The following RYR2 variants were observed in gnomAD, a reference collection of about 807,000 sequenced individuals.
The protein encoded by RYR2 is ryanodine receptor 2, also known as cardiac muscle ryanodine receptor-calcium release channel.
RYR2 carries 227 observed loss-of-function variants against 601.1 expected under a neutral mutation model. That is an observed-to-expected ratio of 0.38 (90% CI 0.34 to 0.42). The LOEUF is 0.42. Ranked by LOEUF, RYR2 falls within the 10% of genes least tolerant of loss-of-function variation. The pLI is 1.00. For missense variants in RYR2, 4,646 were observed against 6,156.5 expected (o/e 0.75, Z 8.21); for synonymous variants, 2,223 against 2,175.1 (o/e 1.02, Z -0.61).
At chr1:237,443,689 CTT>C (rs1386488063) in intron 13 of RYR2, among the ~76,000 whole-genome samples, 1 of 152,002 alleles carries the variant, frequency 6.6e-6, no homozygotes, top group African/African-American at 2.4e-5. Context: ...TTCATACAAT[CTT>C]TGTGTTTATT....
At chr1:237,809,114 C>T in intron 100 of RYR2, 79 bp downstream of exon 100, 1 of 1,272,686 alleles carries the variant, frequency 7.9e-7, no homozygotes, top group Non-Finnish European at 1.1e-6. Context: ...TATTTATTCT[C>T]TAACAGTACA....
chr1:237,098,637 A>C (rs1033562225), intron 1 of RYR2, among the ~76,000 whole-genome samples: 1 of 152,222 alleles, frequency 6.6e-6, no homozygotes, highest in African/African-American at 2.4e-5. Context: ...AATGTGGGTA[A>C]ACATGGTGGA....
chr1:237,743,152 A>C (rs1691763739), intron 80 of RYR2, among the ~76,000 whole-genome samples: 1 of 152,156 alleles, frequency 6.6e-6, no homozygotes, highest in East Asian at 1.9e-4. Context: ...TTTAATTTAC[A>C]TGTCTGGACT....
chr1:237,580,988 T>C (rs1572961651), intron 29 of RYR2, among the ~76,000 whole-genome samples: 1 of 152,218 alleles, frequency 6.6e-6, no homozygotes, highest in South Asian at 2.1e-4. Context: ...TGTGATCATT[T>C]CTTATGGCAG....
At chr1:237,264,276 T>C (rs915623001) in intron 1 of RYR2, among the ~76,000 whole-genome samples, 2 of 152,198 alleles carry the variant, frequency 1.3e-5, no homozygotes, top group African/African-American at 4.8e-5. Flanking sequence ...CTATTTTCTT[T>C]CTCTTGTTCT....
chr1:237,610,689 A>G lies in RYR2; in HGVS notation c.4684-73A>G. On this transcript the variant is annotated intron_variant, in intron 35 of 104. Coordinates refer to ENST00000366574, the MANE Select transcript of RYR2 (RefSeq NM_001035.3). The surrounding 1 kb of genome is among the most constrained non-coding windows in gnomAD (Gnocchi z 4.9). ...CTTTCCCTGTCTCTGTCCTGTGCAG[A>G]ATTCTAGTCATTACTTTGTGAACCC... 1 of 1,221,752 alleles carries G rather than the reference A, an allele frequency of 8.2e-7. No homozygotes were observed. Among genetic ancestry groups the G allele is most frequent in the South Asian group, 1.4e-5 (1 of 70,228 alleles). 75.7% of individuals were successfully genotyped at this position (1,221,752 alleles called of 1,614,324 possible).
chr1:237,736,461 CAAA>C (rs56178537), intron 79 of RYR2, among the ~76,000 whole-genome samples: 5 of 129,626 alleles, frequency 3.9e-5, no homozygotes, highest in Admixed American at 1.6e-4. Flanking sequence ...GAGTCCGTTT[CAAA>C]AAAAAAAAAA....
chr1:237,701,938 A>T (rs765152819), intron 65 of RYR2, 40 bp from the exon 66 acceptor site: 5 of 1,125,462 alleles, frequency 4.4e-6, no homozygotes, highest in Non-Finnish European at 6.8e-6. Flanking sequence ...TGTATAAATA[A>T]GTGGGTTTTT....
intron 17 of RYR2, among the ~76,000 whole-genome samples, chr1:237,491,529 A>G (rs964945171): frequency 2.0e-5 from 3 of 152,044 alleles, no homozygotes; most frequent in African/African-American, 7.3e-5. Context: ...TGCTTCGTGT[A>G]CGCCCTCCTT....
chr1:237,817,018 A>T lies in RYR2; in HGVS notation c.14434-2018A>T, dbSNP rs1454827783. Among the ~76,000 whole-genome samples, 11 of 152,026 alleles carry T rather than the reference A, an allele frequency of 7.2e-5. 1 individual carries two copies. Among genetic ancestry groups the T allele is most frequent in the Admixed American group, 7.2e-4 (11 of 15,264 alleles). ...CTATCAGCCTAATCTGGCTCTAAGG[A>T]TCTCCTGACCTTTCTGCAAAAGAGA... On this transcript the variant is annotated intron_variant, in intron 100 of 104. Transcript: ENST00000366574.
chr1:237,429,838 G>A (rs1331219784), intron 12 of RYR2, among the ~76,000 whole-genome samples: 1 of 152,024 alleles, frequency 6.6e-6, no homozygotes, highest in Non-Finnish European at 1.5e-5. Context: ...AAACTTGTAG[G>A]TAAAAATATA....
chr1:237,229,066 C>T (rs957231765), intron 1 of RYR2, among the ~76,000 whole-genome samples: 2 of 152,226 alleles, frequency 1.3e-5, no homozygotes. Flanking sequence ...GCTCCTTTCC[C>T]GTGGTCTCAC....
chr1:237,732,348 A>G (rs1197543694), intron 78 of RYR2, among the ~76,000 whole-genome samples, 199 bp downstream of exon 78: 4 of 152,142 alleles, frequency 2.6e-5, no homozygotes, highest in African/African-American at 7.2e-5. Context: ...ACTACCTACT[A>G]GTTCTAGTTT....
intron 2 of RYR2, among the ~76,000 whole-genome samples, chr1:237,309,407 T>C (rs1018226798): frequency 6.6e-6 from 1 of 151,362 alleles, no homozygotes; most frequent in Non-Finnish European, 1.5e-5. Flanking sequence ...GACATAAAGG[T>C]TCTCCAAGTC....
chr1:237,296,199 G>C (rs896690412), intron 2 of RYR2, among the ~76,000 whole-genome samples: 9 of 152,138 alleles, frequency 5.9e-5, no homozygotes, highest in African/African-American at 1.9e-4. Context: ...GCAGGTGAAG[G>C]GGGTAAGTGG....
rs747404408 is a variant in RYR2, at chr1:237,614,139, C to T, written c.5011C>T (p.Arg1671Trp). The stretch of plus-strand genomic sequence containing the variant: ...AGCCGTCTGTGCTCTTGGGAACCAC[C>T]GGGTGGCCCATGCCCTGTGCAGCCA... ...YSAVCALGNH[R>W]VAHALCSHVD... Residue 1671 changes from arginine (R) to tryptophan (W), a missense_variant, in exon 37 of 105, where the codon CGG becomes TGG. Around this residue, in one of 17 missense-constraint regions of RYR2, gnomAD observed 1,807 missense variants for 2,088.1 expected, o/e 0.87. Transcript: ENST00000366574. This position sits in a 1 kb window ranked among gnomAD's most constrained non-coding sequence, Gnocchi z 4.3. The T allele has an allele frequency of 2.4e-5, 38 of 1,613,900 alleles. No homozygotes were observed. Among genetic ancestry groups the T allele is most frequent in the Non-Finnish European group, 3.0e-5 (35 of 1,179,898 alleles).
rs758924303 is a variant in RYR2 at position 237,454,475 on chromosome 1, C to A, written c.1377C>A (p.Leu459=). ...CCGTAAGCCTAAGTCTGCAGGATCT[C>A]ATTGGCTACTTCCACCCCCCAGATG... ...IESVSLSLQD[L]IGYFHPPDEH... is the part of the protein sequence containing the mutation. The change falls in exon 15 of 105, where the codon CTC becomes CTA. Residue 459 remains leucine (L), a synonymous_variant. Transcript: ENST00000366574. The A allele has an allele frequency of 1.2e-6, 2 of 1,613,600 alleles. No individual in the cohort carries two copies. Among genetic ancestry groups the A allele is most frequent in the South Asian group, 2.2e-5 (2 of 91,074 alleles).
chr1:237,752,255 G>T (rs578075869), intron 80 of RYR2, among the ~76,000 whole-genome samples: 2 of 152,034 alleles, frequency 1.3e-5, no homozygotes, highest in Non-Finnish European at 2.9e-5. Context: ...GTGCACTGGC[G>T]CAATCCTGGC....
At position 237,333,535 on chromosome 1, in the gene RYR2, G is replaced by A. The variant is rs376965930; in HGVS notation, c.273+2553G>A. The A allele has an allele frequency of 6.3e-4, 287 of 452,768 alleles. 2 individuals are homozygous for A. The highest frequency in any genetic ancestry group is 5.4e-3 in the African/African-American group (271 of 50,156). 28.0% of individuals were successfully genotyped at this position (452,768 alleles called of 1,614,324 possible). On this transcript the variant is annotated intron_variant, in intron 3 of 104. Transcript: ENST00000366574. The stretch of plus-strand genomic sequence containing the variant: ...GGTGGTCAGGGTTAGGGAGCACTGT[G>A]GGGACTTGCGGCAGCAACTGTTTAC...
Sources: allele counts gnomAD v4.1 joint callset (sites outside exome capture counted in the v4.1 genomes callset), GRCh38; gene constraint gnomAD v4.1.1; regional missense constraint gnomAD v4.1.1; non-coding constraint Gnocchi (gnomAD v3.1); transcripts MANE v1.5; gene names NCBI Gene and HGNC (gene_info 2026-07-23, HGNC 2026-07-21).